CTBP2: variants seen among roughly 807,000 people sequenced by gnomAD.
CTBP2 encodes the protein C-terminal binding protein 2.
A neutral mutation model predicts 80.3 loss-of-function variants in CTBP2; 30 were observed. The observed-to-expected ratio is 0.37, with a 90% CI of 0.28 to 0.51. CTBP2 has a LOEUF of 0.51. CTBP2 is among the 20% of genes least tolerant of loss of function. The pLI is 0.93. For missense variants in CTBP2, 1,212 were observed against 1,375.3 expected, an observed-to-expected ratio of 0.88 and a Z score of 1.88; for synonymous variants, 594 against 587.4, an observed-to-expected ratio of 1.01 and a Z score of -0.16.
intron 2 of CTBP2, among the ~76,000 whole-genome samples, chr10:125,095,261 G>T (rs1849375472): frequency 6.6e-6 from 1 of 152,190 alleles, no homozygotes. Context: ...AAGGCAAACA[G>T]AGGGGCGTAG....
chr10:125,101,007 T>A (rs1850533685), intron 2 of CTBP2, among the ~76,000 whole-genome samples: 1 of 152,234 alleles, frequency 6.6e-6, no homozygotes, highest in Non-Finnish European at 1.5e-5. Flanking sequence ...AAAAGTAATG[T>A]GATATTACAT....
In CTBP2 at chr10:124,986,968, A is replaced by G. The variant is rs1490049463; in HGVS notation, c.*2550T>C. 6.7e-6 allele frequency: 1 copy of G among 149,642 alleles called. No homozygotes were observed. The highest frequency in any genetic ancestry group is 1.5e-5 in the Non-Finnish European group (1 of 66,998). 9.3% of individuals were successfully genotyped at this position (149,642 alleles called of 1,614,324 possible). A position where few individuals can be genotyped will look rare whatever the true frequency, so the allele number is the denominator to read the frequency against. ...TGTTGTTTCCCCTGAGCGCTCTATT[A>G]TTTATTTATTTATTATCAATCAGTG... On this transcript the variant is annotated 3_prime_UTR_variant, in exon 9 of 9. Coordinates refer to ENST00000309035, the MANE Select transcript of CTBP2 (RefSeq NM_022802.3).
chr10:125,068,979 A>G (rs1345007707), intron 2 of CTBP2, among the ~76,000 whole-genome samples: 1 of 152,144 alleles, frequency 6.6e-6, no homozygotes, highest in African/African-American at 2.4e-5. Context: ...TGATCCTCCC[A>G]TCGCAGGCTG....
intron 1 of CTBP2, among the ~76,000 whole-genome samples, chr10:125,148,642 G>A (rs74163352): frequency 0.08 from 12,191 of 152,194 alleles, 686 homozygotes; most frequent in Middle Eastern, 0.14. Context: ...CATCCTCTAC[G>A]GACATGAGAG....
intron 1 of CTBP2, among the ~76,000 whole-genome samples, chr10:125,127,096 G>A (rs1192294912): frequency 6.6e-6 from 1 of 152,182 alleles, no homozygotes; most frequent in East Asian, 1.9e-4. Context: ...AGTAGGCACG[G>A]ACGAAGGAGG....
chr10:125,003,527 G>A (rs1401106785), intron 1 of CTBP2, 35 bp from the exon 4 acceptor site: 1 of 1,508,054 alleles, frequency 6.6e-7, no homozygotes, highest in Non-Finnish European at 8.9e-7. Flanking sequence ...CAGTGGGTGG[G>A]TGGCTGGGGC....
intron 1 of CTBP2, among the ~76,000 whole-genome samples, chr10:125,116,704 C>A (rs1347640548): frequency 1.3e-5 from 2 of 152,186 alleles, no homozygotes. Flanking sequence ...GGAGGACTCT[C>A]AATGGTAGGA....
chr10:125,040,594 C>CCACACACACACACACACACA (rs1478224701), intron 2 of CTBP2, among the ~76,000 whole-genome samples: 1 of 92,750 alleles, frequency 1.1e-5, no homozygotes, highest in African/African-American at 5.9e-5. Flanking sequence ...ACCACCACAA[C>CCACACACACACACACACACA]CACATACACA....
chr10:125,016,436 C>T (rs1052286201), intron 1 of CTBP2, among the ~76,000 whole-genome samples: 3 of 152,250 alleles, frequency 2.0e-5, no homozygotes, highest in Admixed American at 1.3e-4. Context: ...ATGAACAACA[C>T]GTCCTCCCGC....
chr10:125,108,629 C>T (rs1851819725), intron 2 of CTBP2, among the ~76,000 whole-genome samples: 1 of 151,656 alleles, frequency 6.6e-6, no homozygotes, highest in African/African-American at 2.4e-5. Context: ...TGAGAGCAAA[C>T]ACACGCCTTC....
intron 1 of CTBP2, among the ~76,000 whole-genome samples, chr10:125,007,380 A>T (rs1955384658): frequency 6.6e-6 from 1 of 152,270 alleles, no homozygotes; most frequent in Non-Finnish European, 1.5e-5. Context: ...TTAGAGCTGC[A>T]GCTGCAATAA....
intron 1 of CTBP2, among the ~76,000 whole-genome samples, chr10:125,148,070 C>CT (rs1328126382): frequency 6.6e-6 from 1 of 152,196 alleles, no homozygotes. Flanking sequence ...AGAAGTCCAG[C>CT]ATTTCTTTCC....
At chr10:125,084,183 G>C (rs1847623893) in intron 2 of CTBP2, among the ~76,000 whole-genome samples, 2 of 152,096 alleles carry the variant, frequency 1.3e-5, no homozygotes, top group Admixed American at 6.5e-5. Context: ...TTGAACTTCT[G>C]AGCTCAAGCA....
At chr10:124,991,088 G>A (rs1231269544) in intron 8 of CTBP2, among the ~76,000 whole-genome samples, 2 of 152,260 alleles carry the variant, frequency 1.3e-5, no homozygotes, top group Non-Finnish European at 2.9e-5. Flanking sequence ...GGAACGCCCA[G>A]GCTCGGGCTG....
chr10:124,997,386 C>A (rs1953762050), intron 4 of CTBP2: 1 of 157,472 alleles, frequency 6.4e-6, no homozygotes, highest in African/African-American at 2.4e-5. Context: ...GGCTGCTTAC[C>A]ATCACCTTCT....
In CTBP2 at chr10:124,994,582, C is replaced by T. The variant is rs76203768; in HGVS notation, c.2287G>A (p.Val763Met). 1.9e-5 allele frequency: 31 copies of T among 1,613,908 alleles called. No homozygotes were observed. Among genetic ancestry groups the T allele is most frequent in the African/African-American group, 2.7e-5 (2 of 74,928 alleles). ...TCCTGCAGGGTGTAGACCCTCTGCA[C>T]GCCCAGGGACCGCTCGATCCCATCC... Residue 763 changes from valine (V) to methionine (M), a missense_variant, in exon 5 of 9, where the codon GTG becomes ATG. Val to Met is a conservative substitution (Grantham distance 21, BLOSUM62 1). Transcript: ENST00000309035.
At chr10:125,068,195 C>T (rs952835779) in intron 2 of CTBP2, among the ~76,000 whole-genome samples, 5 of 152,194 alleles carry the variant, frequency 3.3e-5, no homozygotes, top group African/African-American at 4.8e-5. Context: ...TTCTGCCCCA[C>T]GACCATCCTG....
chr10:125,017,044 A>AAATCCCTTAATGC (rs1302531190), intron 1 of CTBP2, among the ~76,000 whole-genome samples: 4 of 152,190 alleles, frequency 2.6e-5, no homozygotes, highest in Admixed American at 2.6e-4. Context: ...CCACCACGAA[A>AAATCCCTTAATGC]AATCCCTTAA....
intron 2 of CTBP2, among the ~76,000 whole-genome samples, chr10:125,090,645 C>A (rs778091308): frequency 2.6e-5 from 4 of 151,818 alleles, no homozygotes; most frequent in Non-Finnish European, 5.9e-5. Context: ...TGCCTGCAGT[C>A]TCAGCTATTT....
Sources: gnomAD v4.1 joint callset for allele counts (sites outside exome capture counted in the v4.1 genomes callset) on GRCh38, gnomAD v4.1.1 for gene constraint, MANE v1.5 for transcripts, NCBI Gene and HGNC (gene_info 2026-07-23, HGNC 2026-07-21) for gene names.